Variants in ATP6V0E1 observed in about 807,000 individuals in gnomAD.
The protein encoded by ATP6V0E1 is ATPase H+ transporting V0 subunit e1, also known as V-type proton ATPase subunit e 1.
Under a neutral mutation model 11.6 loss-of-function variants are expected in ATP6V0E1, and 4 were observed. That is an observed-to-expected ratio of 0.35 (90% CI 0.17 to 0.79). The LOEUF (loss-of-function observed/expected upper bound fraction) is 0.79, where lower values mean the gene tolerates loss of function less well. Ranked by LOEUF, ATP6V0E1 falls within the 30% of genes least tolerant of loss-of-function variation. The pLI, the probability that ATP6V0E1 is intolerant of heterozygous loss-of-function variation, is 0.54. For synonymous variants in ATP6V0E1, 36 were observed against 34.8 expected (o/e 1.04, Z -0.13); for missense variants, 105 against 100.0 (o/e 1.05, Z -0.21).
rs1378020824 is a variant in ATP6V0E1, at chr5:173,034,630, G to A, written c.*268G>A. 1 of 567,288 alleles carries A rather than the reference G, an allele frequency of 1.8e-6. No homozygotes were observed. The highest frequency in any genetic ancestry group is 2.2e-5 in the South Asian group (1 of 44,970). The allele number at this position is 567,288 out of a possible 1,614,324, so 35.1% of individuals were successfully genotyped here. A position where few individuals can be genotyped will look rare whatever the true frequency, so the allele number is the denominator to read the frequency against. ...AACGATTATGTACTCTTCTGAGATA[G>A]AAGATGCTGTTCTTCTGAGAGATAC... On this transcript the variant is annotated 3_prime_UTR_variant, in exon 4 of 4. Coordinates refer to ENST00000519374, the MANE Select transcript of ATP6V0E1 (RefSeq NM_003945.4).
At chr5:173,018,301 G>A (rs1756432867) in intron 2 of ATP6V0E1, among the ~76,000 whole-genome samples, 1 of 152,196 alleles carries the variant, frequency 6.6e-6, no homozygotes, top group African/African-American at 2.4e-5. Context: ...TATATTAAGT[G>A]GAAGTGGATG....
At chr5:172,990,949 TTTTTG>T (rs201446086) in intron 1 of ATP6V0E1, among the ~76,000 whole-genome samples, 7,673 of 152,014 alleles carry the variant, frequency 0.05, 264 homozygotes, top group Middle Eastern at 0.16. Context: ...CATACCTGTT[TTTTTG>T]TTTTGTTTTG....
chr5:173,034,352 C>T (rs1424966715), intron 3 of ATP6V0E1, 47 bp from the exon 4 acceptor site: 1 of 701,466 alleles, frequency 1.4e-6, no homozygotes, highest in African/African-American at 1.7e-5. Context: ...TTTTGCCTTC[C>T]TGAGGAATGT....
At chr5:172,987,178 G>T (rs1755909529) in intron 1 of ATP6V0E1, 2 of 195,048 alleles carry the variant, frequency 1.0e-5, no homozygotes, top group South Asian at 1.6e-4. Context: ...GTCATAGGTG[G>T]AATTAAGAAA....
chr5:173,001,245 T>C (rs1365094835), intron 2 of ATP6V0E1, among the ~76,000 whole-genome samples: 3 of 152,082 alleles, frequency 2.0e-5, no homozygotes, highest in African/African-American at 7.2e-5. Flanking sequence ...CTGTCCTCTT[T>C]AATAAGGAGA....
At chr5:172,993,685 C>T (rs997696372) in intron 1 of ATP6V0E1, among the ~76,000 whole-genome samples, 2 of 121,854 alleles carry the variant, frequency 1.6e-5, no homozygotes, top group African/African-American at 6.4e-5. Flanking sequence ...TGAGACCCCC[C>T]CCCCCGACCC....
At chr5:173,014,269 G>A (rs1029925317) in intron 2 of ATP6V0E1, among the ~76,000 whole-genome samples, 4 of 151,898 alleles carry the variant, frequency 2.6e-5, no homozygotes, top group South Asian at 2.1e-4. Flanking sequence ...ATAGAAAATG[G>A]TATGGAGTAT....
At chr5:173,013,102 A>G (rs1202301413) in intron 2 of ATP6V0E1, among the ~76,000 whole-genome samples, 1 of 152,142 alleles carries the variant, frequency 6.6e-6, no homozygotes, top group Non-Finnish European at 1.5e-5. Flanking sequence ...TAAGTCCAGG[A>G]GCCTGGGAGA....
chr5:173,000,022 T>C (rs1451189335), intron 2 of ATP6V0E1, among the ~76,000 whole-genome samples: 2 of 152,216 alleles, frequency 1.3e-5, no homozygotes, highest in African/African-American at 4.8e-5. Context: ...GAAATTTCAC[T>C]GTTTGGCACT....
intron 3 of ATP6V0E1, among the ~76,000 whole-genome samples, chr5:173,023,274 A>G (rs1238298371): frequency 6.6e-6 from 1 of 152,118 alleles, no homozygotes; most frequent in South Asian, 2.1e-4. Context: ...ACTCACTGCA[A>G]CCTCTGCCTC....
chr5:173,008,636 G>A (rs1231645581), intron 2 of ATP6V0E1, among the ~76,000 whole-genome samples: 5 of 147,646 alleles, frequency 3.4e-5, no homozygotes, highest in Non-Finnish European at 6.0e-5. Flanking sequence ...TGGGCTGGGC[G>A]CGGTGGCTCA....
chr5:173,026,882 A>G (rs1023043420), intron 3 of ATP6V0E1, among the ~76,000 whole-genome samples: 1 of 152,188 alleles, frequency 6.6e-6, no homozygotes, highest in Admixed American at 6.6e-5. Context: ...ATTCCCATCA[A>G]CAGTATATGA....
In ATP6V0E1 at chr5:173,003,683, A is replaced by G. The variant is rs1352995296; in HGVS notation, c.152+8861A>G. ...AATTTATTGGTCGTACTGATGGATT[A>G]GATGTAGGAAGAATCAGAGATGGCT... On this transcript the variant is annotated intron_variant, in intron 2 of 3. Transcript: ENST00000519374. 3.9e-5 allele frequency among the ~76,000 whole-genome samples: 6 copies of G among 152,220 alleles called. No homozygotes were observed. In the East Asian group the frequency reaches 1.2e-3, roughly 29 times the overall value.
At chr5:172,984,219 A>C (rs971048418) in intron 1 of ATP6V0E1, among the ~76,000 whole-genome samples, 4 of 152,138 alleles carry the variant, frequency 2.6e-5, no homozygotes, top group Non-Finnish European at 4.4e-5. Flanking sequence ...ATTTTTTCTC[A>C]TCATAGTCCT....
intron 2 of ATP6V0E1, among the ~76,000 whole-genome samples, chr5:173,008,862 G>C (rs543115983): frequency 3.5e-4 from 49 of 138,240 alleles, no homozygotes; most frequent in African/African-American, 1.0e-3. Context: ...AGTGAGCAGA[G>C]ATTGGGCCAC....
At chr5:173,029,384 C>T (rs1437611604) in intron 3 of ATP6V0E1, among the ~76,000 whole-genome samples, 1 of 152,116 alleles carries the variant, frequency 6.6e-6, no homozygotes, top group African/African-American at 2.4e-5. Context: ...GAACCTGTCG[C>T]GTCACTTTTT....
intron 2 of ATP6V0E1, among the ~76,000 whole-genome samples, chr5:173,006,471 G>A (rs954039035): frequency 2.6e-5 from 4 of 152,100 alleles, no homozygotes; most frequent in Admixed American, 1.3e-4. Context: ...TTAGCCAGGC[G>A]TGGTGGTGGG....
intron 1 of ATP6V0E1, among the ~76,000 whole-genome samples, chr5:172,992,072 A>G (rs1036248024): frequency 5.7e-4 from 83 of 146,156 alleles, no homozygotes; most frequent in Non-Finnish European, 6.7e-4. Flanking sequence ...TTTTTTTGAG[A>G]CGGAGTCTCG....
chr5:173,020,163 T>C, intron 2 of ATP6V0E1, 75 bp from the exon 3 acceptor site: 2 of 1,254,418 alleles, frequency 1.6e-6, no homozygotes, highest in Non-Finnish European at 2.3e-6. Context: ...GTGTACTTTT[T>C]CCATGCTAAT....
Sources: allele counts gnomAD v4.1 joint callset (sites outside exome capture counted in the v4.1 genomes callset), GRCh38; gene constraint gnomAD v4.1.1; transcripts MANE v1.5; gene names NCBI Gene and HGNC (gene_info 2026-07-23, HGNC 2026-07-21).